The following LDB2 variants were observed in gnomAD, a reference collection of about 807,000 sequenced individuals.
The protein encoded by LDB2 is LIM domain-binding protein 2.
LDB2 carries 12 observed loss-of-function variants against 44.3 expected under a neutral mutation model. The ratio of observed to expected loss-of-function variants is 0.27; its 90% CI spans 0.17 to 0.44. The LOEUF is 0.44. Ranked by LOEUF, LDB2 falls within the 20% of genes least tolerant of loss-of-function variation. LDB2 has a pLI of 1.00. For missense variants in LDB2, 344 were observed against 473.5 expected, an observed-to-expected ratio of 0.73 and a Z score of 2.54; for synonymous variants, 164 against 174.8, an observed-to-expected ratio of 0.94 and a Z score of 0.49.
At chr4:16,618,889 T>C (rs1238907537) in intron 2 of LDB2, among the ~76,000 whole-genome samples, 2 of 152,142 alleles carry the variant, frequency 1.3e-5, no homozygotes, top group African/African-American at 4.8e-5. Context: ...ACGAGAGATC[T>C]GGTTAAGAGT....
chr4:16,858,982 T>C (rs1157705377), intron 1 of LDB2, among the ~76,000 whole-genome samples: 1 of 152,218 alleles, frequency 6.6e-6, no homozygotes, highest in East Asian at 1.9e-4. Flanking sequence ...GATAGAACTT[T>C]GCTCAACTGC....
chr4:16,626,430 A>G (rs1481025435), intron 2 of LDB2, among the ~76,000 whole-genome samples: 1 of 152,242 alleles, frequency 6.6e-6, no homozygotes, highest in African/African-American at 2.4e-5. Flanking sequence ...ACATCATCAT[A>G]AAGCCTAAAG....
intron 1 of LDB2, among the ~76,000 whole-genome samples, chr4:16,890,298 T>C (rs780301624): frequency 5.6e-4 from 85 of 152,322 alleles, no homozygotes; most frequent in Non-Finnish European, 7.5e-4. Flanking sequence ...ATCTGATTTA[T>C]GCTTTAAAAA....
At chr4:16,701,820 G>A (rs1753511769) in intron 2 of LDB2, among the ~76,000 whole-genome samples, 1 of 152,212 alleles carries the variant, frequency 6.6e-6, no homozygotes, top group African/African-American at 2.4e-5. Context: ...CTGTAAGTTC[G>A]GGATATAGTA....
chr4:16,785,151 C>G (rs1237488338), intron 1 of LDB2, among the ~76,000 whole-genome samples: 1 of 151,712 alleles, frequency 6.6e-6, no homozygotes, highest in Non-Finnish European at 1.5e-5. Context: ...TCTTAAAAGC[C>G]TGGAAGAAAT....
chr4:16,588,558 G>A lies in LDB2; in HGVS notation c.531+152C>T, dbSNP rs561925336. On this transcript the variant is annotated intron_variant, in intron 4 of 7. Transcript: ENST00000304523. ...AGAAAAGGGCCTGTGGATTAAAACC[G>A]TTGAGAACAAAACTCAATATTTAGA... 2.6e-4 allele frequency: 189 copies of A among 726,944 alleles called. 1 individual carries two copies. The highest frequency in any genetic ancestry group is 1.7e-3 in the African/African-American group (95 of 55,956). The allele number at this position is 726,944 out of a possible 1,614,324, so 45.0% of individuals were successfully genotyped here.
intron 5 of LDB2, among the ~76,000 whole-genome samples, chr4:16,546,656 A>G (rs527633108): frequency 6.6e-6 from 1 of 152,172 alleles, no homozygotes; most frequent in Non-Finnish European, 1.5e-5. Flanking sequence ...CACACTGCCA[A>G]GGTGAAAAAA....
intron 2 of LDB2, among the ~76,000 whole-genome samples, chr4:16,645,499 T>TGCAGTCC: frequency 1.5e-5 from 2 of 136,602 alleles, no homozygotes; most frequent in Non-Finnish European, 3.0e-5. Context: ...ATTGCGCCAC[T>TGCAGTCC]GCAGTCCGCA....
intron 5 of LDB2, among the ~76,000 whole-genome samples, chr4:16,529,589 C>T (rs1015000829): frequency 2.0e-5 from 3 of 152,118 alleles, no homozygotes; most frequent in African/African-American, 4.8e-5. Flanking sequence ...GAGATTGAAG[C>T]TTGTTTTTAT....
At chr4:16,782,828 G>A (rs570833131) in intron 1 of LDB2, among the ~76,000 whole-genome samples, 1 of 152,148 alleles carries the variant, frequency 6.6e-6, no homozygotes, top group Non-Finnish European at 1.5e-5. Context: ...CTTGAACCTT[G>A]TTATCTAGAG....
chr4:16,635,904 G>A (rs1051506451), intron 2 of LDB2, among the ~76,000 whole-genome samples: 2 of 152,108 alleles, frequency 1.3e-5, no homozygotes, highest in African/African-American at 2.4e-5. Context: ...GCTTTGCCTC[G>A]CTGGATTTGT....
At chr4:16,805,963 C>T (rs1778712663) in intron 1 of LDB2, among the ~76,000 whole-genome samples, 1 of 152,160 alleles carries the variant, frequency 6.6e-6, no homozygotes, top group Non-Finnish European at 1.5e-5. Context: ...CTCCATGAAG[C>T]TGTCAGGATG....
intron 2 of LDB2, among the ~76,000 whole-genome samples, chr4:16,698,908 G>A (rs1412188440): frequency 6.6e-6 from 1 of 152,126 alleles, no homozygotes; most frequent in Admixed American, 6.5e-5. Context: ...AGCAATCAAA[G>A]GTCTTTTGAA....
intron 5 of LDB2, among the ~76,000 whole-genome samples, chr4:16,557,596 G>A (rs1369776463): frequency 6.6e-6 from 1 of 152,244 alleles, no homozygotes; most frequent in African/African-American, 2.4e-5. Flanking sequence ...CACAGCTCAA[G>A]GAGGGCTGCC....
At chr4:16,689,113 C>A (rs574202507) in intron 2 of LDB2, among the ~76,000 whole-genome samples, 2 of 152,236 alleles carry the variant, frequency 1.3e-5, no homozygotes, top group East Asian at 3.9e-4. Context: ...AGAATTTAGA[C>A]CCAAGGTCAC....
chr4:16,736,761 G>A (rs1357004054), intron 2 of LDB2, among the ~76,000 whole-genome samples: 1 of 151,986 alleles, frequency 6.6e-6, no homozygotes, highest in Non-Finnish European at 1.5e-5. Context: ...GACTTCTTTT[G>A]TTTATAGGAG....
chr4:16,768,965 C>T (rs1769991971), intron 1 of LDB2, among the ~76,000 whole-genome samples: 1 of 152,198 alleles, frequency 6.6e-6, no homozygotes, highest in Non-Finnish European at 1.5e-5. Flanking sequence ...AGGACTCTGG[C>T]TACTGGCTAG....
intron 1 of LDB2, among the ~76,000 whole-genome samples, chr4:16,773,894 C>A (rs1312926137): frequency 6.6e-6 from 1 of 151,300 alleles, no homozygotes; most frequent in Non-Finnish European, 1.5e-5. Context: ...GTGGATCATG[C>A]CTGTAATCCC....
chr4:16,697,343 T>C (rs1314280392), intron 2 of LDB2, among the ~76,000 whole-genome samples: 2 of 150,136 alleles, frequency 1.3e-5, no homozygotes, highest in Non-Finnish European at 3.0e-5. Context: ...TAGTCCCAGC[T>C]ACTAGGGAGG....
Sources: allele counts gnomAD v4.1 joint callset (sites outside exome capture counted in the v4.1 genomes callset), GRCh38; gene constraint gnomAD v4.1.1; transcripts MANE v1.5; gene names NCBI Gene and HGNC (gene_info 2026-07-23, HGNC 2026-07-21).